The following EYA1 variants were observed in gnomAD, a reference collection of about 807,000 sequenced individuals.
EYA1 encodes the protein EYA transcriptional coactivator and phosphatase 1.
EYA1 carries 16 observed loss-of-function variants against 82.0 expected under a neutral mutation model. The ratio of observed to expected loss-of-function variants is 0.20; its 90% CI spans 0.13 to 0.30. The LOEUF is 0.30. EYA1 is among the 10% of genes least tolerant of loss of function. The pLI is 1.00. For synonymous variants in EYA1, 261 were observed against 264.4 expected (o/e 0.99, Z 0.12); for missense variants, 633 against 730.7 (o/e 0.87, Z 1.54).
At chr8:71,346,319 A>C (rs979639065) in intron 3 of EYA1, among the ~76,000 whole-genome samples, 8 of 151,482 alleles carry the variant, frequency 5.3e-5, no homozygotes, top group Non-Finnish European at 1.5e-5. Flanking sequence ...AGAATCACTT[A>C]ATAAACAGCT....
At chr8:71,250,152 A>G (rs575011386) in intron 11 of EYA1, among the ~76,000 whole-genome samples, 9 of 152,204 alleles carry the variant, frequency 5.9e-5, no homozygotes, top group Admixed American at 2.6e-4. Flanking sequence ...ATCTCTTTCA[A>G]AAAACATTCA....
chr8:71,522,687 C>A (rs1439919532), intron 2 of EYA1, among the ~76,000 whole-genome samples: 1 of 150,028 alleles, frequency 6.7e-6, no homozygotes, highest in Non-Finnish European at 1.5e-5. Flanking sequence ...GGTGTGATCA[C>A]AGCTTACTGC....
intron 1 of EYA1, 189 bp from the exon 2 acceptor site, chr8:71,356,700 G>T: frequency 1.6e-6 from 2 of 1,277,842 alleles, no homozygotes; most frequent in Non-Finnish European, 9.9e-7. Flanking sequence ...CCTCCTGCAG[G>T]TCTATCCTCC....
rs1195003159 is a variant in EYA1 at position 71,269,764 on chromosome 8, C to T, written c.1026G>A (p.Gly342=). ...TIIVFHSLLT[G]SYANRYGRDP... ...CCCTCCCATATCTGTTGGCGTAGGA[C>T]CCAGTAAGCAAGGAGTGGAAAACAA... Residue 342 remains glycine, a synonymous_variant, in exon 11 of 18, where the codon GGG becomes GGA. Coordinates refer to ENST00000340726, the MANE Select transcript of EYA1 (RefSeq NM_000503.6). The T allele has an allele frequency of 1.2e-6, 2 of 1,613,542 alleles. No individual in the cohort carries two copies. Among genetic ancestry groups the T allele is most frequent in the Admixed American group, 3.3e-5 (2 of 59,988 alleles).
upstream of EYA1, among the ~76,000 whole-genome samples, chr8:71,364,725 A>G (rs1827638000): frequency 6.6e-6 from 1 of 151,770 alleles, no homozygotes; most frequent in Non-Finnish European, 1.5e-5. Flanking sequence ...TTATCTGGAA[A>G]GGGAAAATAC....
At position 71,356,448 on chromosome 8, in the gene EYA1, A is replaced by G. The variant is rs1215041475; in HGVS notation, c.-5+14T>C. 6.3e-7 allele frequency: 1 copy of G among 1,578,484 alleles called. No homozygotes were observed. Among genetic ancestry groups the G allele is most frequent in the Non-Finnish European group, 8.6e-7 (1 of 1,160,844 alleles). On this transcript the variant is annotated intron_variant, in intron 2 of 17. Transcript: ENST00000340726. The stretch of plus-strand genomic sequence containing the variant: ...GTAATCTCCAAAAATGTCAAATATC[A>G]ACAATATCCTTACCTGCAACTTGAG...
intron 2 of EYA1, among the ~76,000 whole-genome samples, chr8:71,533,673 T>C (rs1278241987): frequency 6.6e-6 from 1 of 152,160 alleles, no homozygotes; most frequent in African/African-American, 2.4e-5. Context: ...CCCCACTTCC[T>C]AAAGCAAAGG....
chr8:71,296,486 C>T (rs1425976366), intron 9 of EYA1, among the ~76,000 whole-genome samples: 1 of 151,964 alleles, frequency 6.6e-6, no homozygotes, highest in African/African-American at 2.4e-5. Flanking sequence ...ATAAATATCA[C>T]ATATACCTAG....
At chr8:71,396,387 T>G (rs1050091895) in intron 2 of EYA1, among the ~76,000 whole-genome samples, 25 of 152,220 alleles carry the variant, frequency 1.6e-4, no homozygotes, top group African/African-American at 5.8e-4. Context: ...TGATTTTAGG[T>G]TGTCAATTTT....
intron 11 of EYA1, among the ~76,000 whole-genome samples, chr8:71,259,014 T>C (rs189086940): frequency 1.3e-5 from 2 of 152,316 alleles, no homozygotes; most frequent in East Asian, 1.9e-4. Flanking sequence ...GAGAAAAGGA[T>C]TGCAATGTGG....
At chr8:71,212,338 G>A (rs1014703677) in intron 16 of EYA1, among the ~76,000 whole-genome samples, 1 of 152,210 alleles carries the variant, frequency 6.6e-6, no homozygotes, top group African/African-American at 2.4e-5. Flanking sequence ...TGCCTCTTTA[G>A]TTGTCCACTA....
Position 71,334,091 on chromosome 8 carries a change from C to A in EYA1, c.202+6G>T. ...TTGATGTGAAAATCTAATATTTATTCCTTACCTGAACCTGAGAAATTGTTT... is the reference window on the plus strand; with the variant it reads ...TTGATGTGAAAATCTAATATTTATTACTTACCTGAACCTGAGAAATTGTTT... On this transcript the variant is annotated splice_donor_region_variant and intron_variant, in intron 4 of 17. Transcript: ENST00000340726. 1 of 1,607,394 alleles carries A rather than the reference C, an allele frequency of 6.2e-7. No individual in the cohort carries two copies. Among genetic ancestry groups the A allele is most frequent in the Non-Finnish European group, 8.5e-7 (1 of 1,174,142 alleles).
chr8:71,294,376 G>T (rs1041002701), intron 9 of EYA1, among the ~76,000 whole-genome samples: 17 of 152,142 alleles, frequency 1.1e-4, no homozygotes, highest in Admixed American at 1.0e-3. Flanking sequence ...GGAGAATGGC[G>T]TGAACCCCGG....
intron 2 of EYA1, among the ~76,000 whole-genome samples, chr8:71,477,864 T>A (rs1307376667): frequency 1.3e-5 from 2 of 152,122 alleles, no homozygotes; most frequent in Non-Finnish European, 2.9e-5. Context: ...TAAAACGTGG[T>A]ACATTCATAC....
chr8:71,453,984 TAA>T (rs779666467), intron 2 of EYA1, among the ~76,000 whole-genome samples: 24 of 152,040 alleles, frequency 1.6e-4, no homozygotes, highest in Non-Finnish European at 3.1e-4. Context: ...GCAAATTGGA[TAA>T]AGAGTCGAGA....
intron 2 of EYA1, among the ~76,000 whole-genome samples, chr8:71,452,115 A>G (rs993631706): frequency 6.6e-6 from 1 of 152,224 alleles, no homozygotes; most frequent in East Asian, 1.9e-4. Flanking sequence ...GCACACCAGG[A>G]GATTATATCC....
chr8:71,256,042 C>T (rs909772731), intron 11 of EYA1, among the ~76,000 whole-genome samples: 4 of 151,902 alleles, frequency 2.6e-5, no homozygotes, highest in African/African-American at 9.7e-5. Context: ...TATCAGAAAA[C>T]AAAAAACAGA....
chr8:71,544,933 G>A (rs1299598340), intron 1 of EYA1, among the ~76,000 whole-genome samples: 1 of 152,176 alleles, frequency 6.6e-6, no homozygotes, highest in Non-Finnish European at 1.5e-5. Context: ...GATTCCATGA[G>A]CCAATGACAG....
intron 2 of EYA1, among the ~76,000 whole-genome samples, chr8:71,374,623 G>A (rs759196464): frequency 1.4e-4 from 21 of 152,062 alleles, no homozygotes; most frequent in African/African-American, 4.3e-4. Context: ...TAGAATTGTC[G>A]TATGACTTAG....
Sources: gnomAD v4.1 joint callset for allele counts (sites outside exome capture counted in the v4.1 genomes callset) on GRCh38, gnomAD v4.1.1 for gene constraint, MANE v1.5 for transcripts, NCBI Gene and HGNC (gene_info 2026-07-23, HGNC 2026-07-21) for gene names.